Variants in BRCC3 observed in about 807,000 individuals in gnomAD.
The protein encoded by BRCC3 is BRCA1/BRCA2-containing complex subunit 3.
In BRCC3, 15 loss-of-function variants were observed where a neutral mutation model predicts 28.0. The observed-to-expected ratio is 0.54, with a 90% CI of 0.36 to 0.82. The LOEUF is 0.82. Among genes scored for constraint, BRCC3 ranks in the 40% least tolerant of loss-of-function variants. The pLI is 0.01. For missense variants in BRCC3, 109 were observed against 225.9 expected (o/e 0.48, Z 3.32); for synonymous variants, 66 against 80.3 (o/e 0.82, Z 0.95).
intron 5 of BRCC3, among the ~76,000 whole-genome samples, chrX:155,084,574 A>G (rs1363269673): frequency 1.8e-5 from 2 of 111,868 alleles, no homozygotes; most frequent in African/African-American, 6.5e-5. Context: ...TGTGTTAGCC[A>G]GTATGGTCTT....
chrX:155,120,933 C>T (rs936642036), intron 10 of BRCC3, among the ~76,000 whole-genome samples: 2 of 111,977 alleles, frequency 1.8e-5, no homozygotes, highest in Non-Finnish European at 3.8e-5. Context: ...TTTCTGTGTG[C>T]TTGTTGCATA....
intron 7 of BRCC3, among the ~76,000 whole-genome samples, chrX:155,093,281 G>C (rs1191256688): frequency 9.0e-6 from 1 of 110,678 alleles, no homozygotes; most frequent in Non-Finnish European, 1.9e-5. Flanking sequence ...TTCCTGGAGA[G>C]AGGAAATCTT....
chrX:155,093,564 G>A (rs1307876867), intron 7 of BRCC3, among the ~76,000 whole-genome samples: 1 of 104,010 alleles, frequency 9.6e-6, no homozygotes, highest in African/African-American at 3.5e-5. Flanking sequence ...CCTGTCTCAT[G>A]GACTTGAAGT....
intron 5 of BRCC3, among the ~76,000 whole-genome samples, chrX:155,083,915 ACCCAGT>A (rs781958786): frequency 1.8e-5 from 2 of 112,345 alleles, no homozygotes; most frequent in African/African-American, 6.5e-5. Context: ...GAGCTGAAAT[ACCCAGT>A]CCAAAACCAG....
chrX:155,091,525 G>A (rs1297804511), intron 7 of BRCC3, among the ~76,000 whole-genome samples: 1 of 111,122 alleles, frequency 9.0e-6, no homozygotes, highest in Non-Finnish European at 1.9e-5. Context: ...GCCTGCCTCG[G>A]CCTCCTAAAA....
At chrX:155,072,584 CAG>C (rs1275609786) in intron 2 of BRCC3, among the ~76,000 whole-genome samples, 1 of 111,412 alleles carries the variant, frequency 9.0e-6, no homozygotes, top group African/African-American at 3.3e-5. Context: ...AGGGGTGAGA[CAG>C]AGCCTCACTC....
intron 2 of BRCC3, among the ~76,000 whole-genome samples, chrX:155,072,746 A>G (rs2073997116): frequency 9.2e-6 from 1 of 108,265 alleles, no homozygotes; most frequent in Non-Finnish European, 1.9e-5. Flanking sequence ...TTTTGTACAG[A>G]CGGGGTTTCA....
At chrX:155,095,533 T>G (rs1327396597) in intron 7 of BRCC3, among the ~76,000 whole-genome samples, 6 of 111,690 alleles carry the variant, frequency 5.4e-5, no homozygotes, top group Non-Finnish European at 5.6e-5. Context: ...ACTCCTGACC[T>G]AAGGTGATTC....
At chrX:155,071,676 G>A (rs1557292587) in intron 1 of BRCC3, 26 bp downstream of exon 1, 3 of 1,194,529 alleles carry the variant, frequency 2.5e-6, no homozygotes, top group Non-Finnish European at 3.4e-6. Flanking sequence ...AGCCTGGATG[G>A]AACCCTGCTG....
chrX:155,087,740 G>C (rs1444472899), intron 5 of BRCC3, among the ~76,000 whole-genome samples: 2 of 111,841 alleles, frequency 1.8e-5, no homozygotes, highest in African/African-American at 6.5e-5. Flanking sequence ...AGTGAAGATA[G>C]TGTTTCAAGA....
rs782557854 is a variant in BRCC3 at position 155,115,774 on chromosome X, C to T, written c.549-283C>T. 7.1e-5 allele frequency among the ~76,000 whole-genome samples: 8 copies of T among 112,012 alleles called. No individual in the cohort carries two copies. In the South Asian group the frequency reaches 1.1e-3, roughly 16 times the overall value. ...CTATTTCCCCTGACTGGGGAGCAGA[C>T]GTAAGGACCTTGAGCTCTCAAGGCT... On this transcript the variant is annotated intron_variant, in intron 7 of 10. Transcript: ENST00000330045.
chrX:155,116,550 T>C (rs782665864), intron 8 of BRCC3, among the ~76,000 whole-genome samples, 161 bp from the exon 9 acceptor site: 1 of 112,089 alleles, frequency 8.9e-6, no homozygotes, highest in East Asian at 2.8e-4. Context: ...CTTTGAATTA[T>C]CTTTGAATAA....
At chrX:155,081,388 A>T (rs2074084789) in intron 5 of BRCC3, among the ~76,000 whole-genome samples, 1 of 110,352 alleles carries the variant, frequency 9.1e-6, no homozygotes, top group Admixed American at 9.7e-5. Flanking sequence ...AAAGAAAAAT[A>T]ATTGCCCAAC....
intron 3 of BRCC3, among the ~76,000 whole-genome samples, chrX:155,075,254 G>GGTTT (rs1569560398): frequency 3.8e-5 from 2 of 52,733 alleles, no homozygotes; most frequent in Admixed American, 2.0e-4. Context: ...TTTCACCCTT[G>GGTTT]TCCCTTCAAC....
At chrX:155,094,682 T>C (rs1557296051) in intron 7 of BRCC3, among the ~76,000 whole-genome samples, 1 of 111,952 alleles carries the variant, frequency 8.9e-6, no homozygotes, top group African/African-American at 3.3e-5. Flanking sequence ...GTGGTGCACA[T>C]GCAGGTATGA....
chrX:155,090,861 G>C, intron 7 of BRCC3, 22 bp downstream of exon 7: 1 of 1,087,606 alleles, frequency 9.2e-7, no homozygotes, highest in South Asian at 1.9e-5. Context: ...AGAGACTTAT[G>C]TGTGTATTGG....
At chrX:155,089,487 G>A (rs981962008) in intron 6 of BRCC3, 136 bp downstream of exon 6, 3 of 408,146 alleles carry the variant, frequency 7.4e-6, no homozygotes, top group Non-Finnish European at 1.3e-5. Flanking sequence ...GGGTCATTGA[G>A]TCAGGACCTG....
intron 5 of BRCC3, 64 bp from the exon 6 acceptor site, chrX:155,089,199 A>T: frequency 1.3e-6 from 1 of 762,579 alleles, no homozygotes; most frequent in Non-Finnish European, 1.9e-6. Context: ...GTCAATCTTT[A>T]AATCAATAAG....
At chrX:155,103,971 A>AT (rs1403218833) in intron 7 of BRCC3, among the ~76,000 whole-genome samples, 1 of 109,857 alleles carries the variant, frequency 9.1e-6, no homozygotes, top group Non-Finnish European at 1.9e-5. Context: ...TTATTTATTT[A>AT]TTTTTTTAGA....
Sources: allele counts gnomAD v4.1 joint callset (sites outside exome capture counted in the v4.1 genomes callset), GRCh38; gene constraint gnomAD v4.1.1; transcripts MANE v1.5; gene names NCBI Gene and HGNC (gene_info 2026-07-23, HGNC 2026-07-21).